The following PFKFB2 variants were observed in gnomAD, a reference collection of about 807,000 sequenced individuals.
PFKFB2 encodes 6-phosphofructo-2-kinase/fructose-2,6-biphosphatase 2, also known as 6-phosphofructo-2-kinase/fructose-2,6-bisphosphatase 2.
PFKFB2 carries 53 observed loss-of-function variants against 68.0 expected under a neutral mutation model. The observed-to-expected ratio is 0.78, with a 90% CI of 0.63 to 0.98. The LOEUF (loss-of-function observed/expected upper bound fraction) is 0.98. Among genes scored for constraint, PFKFB2 ranks in the 50% least tolerant of loss-of-function variants. PFKFB2 has a pLI of 0.00. For synonymous variants in PFKFB2, 222 were observed against 227.6 expected, an observed-to-expected ratio of 0.98 and a Z score of 0.22; for missense variants, 451 against 642.0, an observed-to-expected ratio of 0.70 and a Z score of 3.22.
upstream of PFKFB2, among the ~76,000 whole-genome samples, chr1:207,050,441 A>C (rs1682710311): frequency 1.3e-5 from 2 of 152,196 alleles, 1 homozygote; most frequent in South Asian, 4.1e-4. Context: ...AGCCGACCAG[A>C]AAGCGGAATG....
intron 2 of PFKFB2, chr1:207,046,196 A>T (rs1024217643): frequency 3.3e-5 from 5 of 151,976 alleles, no homozygotes; most frequent in African/African-American, 4.8e-5. Context: ...TTTAATTTTT[A>T]AAAAAATTCC....
At chr1:207,065,451 G>C (rs187817091) in intron 8 of PFKFB2, among the ~76,000 whole-genome samples, 3 of 152,114 alleles carry the variant, frequency 2.0e-5, no homozygotes, top group African/African-American at 4.8e-5. Flanking sequence ...CCGGGGCTCA[G>C]GTGATCCTCC....
In PFKFB2 at chr1:207,074,038, G is replaced by C; in HGVS notation, c.*1667G>C. 1.1e-6 allele frequency: 1 copy of C among 935,908 alleles called. No individual in the cohort carries two copies. The highest frequency in any genetic ancestry group is 1.3e-6 in the Non-Finnish European group (1 of 784,720). The allele number at this position is 935,908 out of a possible 1,614,324, so 58.0% of individuals were successfully genotyped here. On this transcript the variant is annotated 3_prime_UTR_variant, in exon 15 of 15. Transcript: ENST00000367080. ...ATTCCTTAGAATTGCCTTTAGGATTGTTGAATCATAAACATGCCTGTGTCC... is the reference window on the plus strand; with the variant it reads ...ATTCCTTAGAATTGCCTTTAGGATTCTTGAATCATAAACATGCCTGTGTCC...
chr1:207,043,283 C>G (rs1027414247), intron 2 of PFKFB2, among the ~76,000 whole-genome samples: 3 of 152,194 alleles, frequency 2.0e-5, no homozygotes, highest in Non-Finnish European at 4.4e-5. Flanking sequence ...TGGATGTACA[C>G]TGACCCCCAG....
chr1:207,057,952 A>G (rs1682979886), intron 2 of PFKFB2, among the ~76,000 whole-genome samples: 1 of 152,208 alleles, frequency 6.6e-6, no homozygotes, highest in East Asian at 1.9e-4. Flanking sequence ...ACACCTTTGC[A>G]CATTTGTGAC....
chr1:207,050,178 C>T (rs554220111), upstream of PFKFB2, among the ~76,000 whole-genome samples: 1 of 152,172 alleles, frequency 6.6e-6, no homozygotes, highest in Admixed American at 6.5e-5. Flanking sequence ...TGATATGGCA[C>T]AGAAATAACT....
chr1:207,076,613 T>C lies in PFKFB2; in HGVS notation c.*4242T>C, dbSNP rs1247753317. On this transcript the variant is annotated 3_prime_UTR_variant, in exon 15 of 15. Coordinates refer to ENST00000367080, the MANE Select transcript of PFKFB2 (RefSeq NM_006212.2). Reference sequence around the variant, plus strand: ...ATACTGTCCAGGAGACTGTCTCTAGTTGGATCTCTGTGCTGACTGACTGAC... The same window carrying C: ...ATACTGTCCAGGAGACTGTCTCTAGCTGGATCTCTGTGCTGACTGACTGAC... 8.0e-6 allele frequency: 3 copies of C among 374,160 alleles called. No homozygotes were observed. Among genetic ancestry groups the C allele is most frequent in the Middle Eastern group, 1.0e-3 (1 of 992 alleles). The allele number at this position is 374,160 out of a possible 1,614,324, so 23.2% of individuals were successfully genotyped here. A position where few individuals can be genotyped will look rare whatever the true frequency, so the allele number is the denominator to read the frequency against.
intron 2 of PFKFB2, among the ~76,000 whole-genome samples, chr1:207,059,126 G>A (rs556718790): frequency 2.8e-4 from 42 of 152,326 alleles, no homozygotes; most frequent in African/African-American, 9.4e-4. Flanking sequence ...GGCGAGAGGT[G>A]CGTTGCTGGA....
intron 1 of PFKFB2, chr1:207,035,327 A>C (rs765439533): frequency 6.4e-6 from 2 of 313,916 alleles, no homozygotes; most frequent in Non-Finnish European, 9.3e-6. Flanking sequence ...TTGCATTGCT[A>C]TAAAGGAATA....
intron 10 of PFKFB2, among the ~76,000 whole-genome samples, 185 bp from the exon 11 acceptor site, chr1:207,069,239 C>A (rs1199537963): frequency 6.6e-6 from 1 of 152,284 alleles, no homozygotes; most frequent in East Asian, 1.9e-4. Context: ...GTGGTCCTCA[C>A]CCGGTGAGTC....
At chr1:207,071,306 T>C (rs1683459393) in intron 13 of PFKFB2, 56 bp downstream of exon 13, 3 of 1,455,060 alleles carry the variant, frequency 2.1e-6, no homozygotes, top group Admixed American at 3.4e-5. Flanking sequence ...GTCAGAATTT[T>C]CTCTGAAGTT....
chr1:207,036,159 G>A (rs1386863737), intron 1 of PFKFB2, among the ~76,000 whole-genome samples: 9 of 152,132 alleles, frequency 5.9e-5, no homozygotes, highest in Non-Finnish European at 1.3e-4. Flanking sequence ...AACTTTGGAG[G>A]TCACATTTCA....
upstream of PFKFB2, among the ~76,000 whole-genome samples, chr1:207,051,306 C>G (rs1004868509): frequency 5.9e-5 from 9 of 152,112 alleles, no homozygotes; most frequent in Non-Finnish European, 8.8e-5. Context: ...TGACCTTGCA[C>G]TTAGTGAGGT....
At chr1:207,064,847 T>A (rs1437394704) in intron 7 of PFKFB2, among the ~76,000 whole-genome samples, 189 bp from the exon 8 acceptor site, 8 of 152,202 alleles carry the variant, frequency 5.3e-5, no homozygotes, top group Middle Eastern at 6.8e-3. Context: ...TTGTCTTAAC[T>A]TTTTTGGTTG....
At chr1:207,045,513 T>TA (rs1682578069) in intron 2 of PFKFB2, 1 of 152,394 alleles carries the variant, frequency 6.6e-6, no homozygotes. Flanking sequence ...TCCATATATA[T>TA]TTTTTAAAGT....
rs1683652993 is a variant in PFKFB2, at chr1:207,077,242, G to T, written c.*4871G>T. 1.0e-6 allele frequency: 1 copy of T among 984,894 alleles called. No individual in the cohort carries two copies. Among genetic ancestry groups the T allele is most frequent in the African/African-American group, 1.7e-5 (1 of 57,182 alleles). 61.0% of individuals were successfully genotyped at this position (984,894 alleles called of 1,614,324 possible). ...CTGTTCTGAAATGTTGTATTCCATT[G>T]GACAGGGCTGCTATTTTTAGTCAGC... On this transcript the variant is annotated 3_prime_UTR_variant, in exon 15 of 15. Coordinates refer to ENST00000367080, the MANE Select transcript of PFKFB2 (RefSeq NM_006212.2).
Position 207,077,070 on chromosome 1 carries a change from G to A in PFKFB2, c.*4699G>A, listed in dbSNP as rs1683647594. 3 of 984,790 alleles carry A rather than the reference G, an allele frequency of 3.0e-6. No individual in the cohort carries two copies. In the South Asian group the frequency reaches 1.4e-4, roughly 46 times the overall value. 61.0% of individuals were successfully genotyped at this position (984,790 alleles called of 1,614,324 possible). On this transcript the variant is annotated 3_prime_UTR_variant, in exon 15 of 15. Transcript: ENST00000367080. ...GATAAAGGTTATGCATCACTTTTAT[G>A]GTATTTTGTGAACTCAGCTAAGGGA...
At chr1:207,051,097 G>C, upstream of PFKFB2, 2 of 1,436,814 alleles carry the variant, frequency 1.4e-6, no homozygotes, top group Non-Finnish European at 1.8e-6. Context: ...TAGTACCTTA[G>C]CAAGCGCGAA....
chr1:207,050,057 A>C (rs1682699824), upstream of PFKFB2, among the ~76,000 whole-genome samples: 2 of 152,240 alleles, frequency 1.3e-5, no homozygotes, highest in African/African-American at 4.8e-5. Flanking sequence ...ACTACAGAGT[A>C]GGCCGCTAGG....
Sources: gnomAD v4.1 joint callset for allele counts (sites outside exome capture counted in the v4.1 genomes callset) on GRCh38, gnomAD v4.1.1 for gene constraint, MANE v1.5 for transcripts, NCBI Gene and HGNC (gene_info 2026-07-23, HGNC 2026-07-21) for gene names.